POP1: variants seen among roughly 807,000 people sequenced by gnomAD.
The protein encoded by POP1 is ribonucleases P/MRP protein subunit POP1.
POP1 carries 75 observed loss-of-function variants against 102.2 expected under a neutral mutation model. That is an observed-to-expected ratio of 0.73 (90% CI 0.61 to 0.89). The LOEUF (loss-of-function observed/expected upper bound fraction) is 0.89, where lower values mean the gene tolerates loss of function less well. Ranked by LOEUF, POP1 falls within the 40% of genes least tolerant of loss-of-function variation. The pLI is 0.00. For missense variants in POP1, 1,116 were observed against 1,267.4 expected (o/e 0.88, Z 1.81); for synonymous variants, 436 against 464.1 (o/e 0.94, Z 0.78).
Position 98,156,056 on chromosome 8 carries a change from T to C in POP1, c.2064T>C (p.Pro688=). Residue 688 remains proline, a synonymous_variant, in exon 15 of 16, where the codon CCT becomes CCC. Transcript: ENST00000401707. ...CCTGTATGTTTTTCTTTAGACGCCC[T>C]CCTGCAAAACGGCCCAACTACGTTA... ...KNLLEKYKRR[P]PAKRPNYVKL... 6.2e-7 allele frequency: 1 copy of C among 1,613,496 alleles called. No individual in the cohort carries two copies. Among genetic ancestry groups the C allele is most frequent in the East Asian group, 2.2e-5 (1 of 44,882 alleles).
intron 1 of POP1, among the ~76,000 whole-genome samples, chr8:98,122,280 C>A (rs1271391514): frequency 6.6e-6 from 1 of 152,122 alleles, no homozygotes; most frequent in Non-Finnish European, 1.5e-5. Context: ...GGCATTGCTA[C>A]CTTCTCTTTG....
intron 2 of POP1, among the ~76,000 whole-genome samples, chr8:98,124,683 T>C (rs1816143604): frequency 6.6e-6 from 1 of 152,242 alleles, no homozygotes; most frequent in Admixed American, 6.5e-5. Flanking sequence ...GAAACATGAC[T>C]ACTATAAATA....
At chr8:98,135,773 A>T (rs1208599332) in intron 7 of POP1, among the ~76,000 whole-genome samples, 1 of 152,106 alleles carries the variant, frequency 6.6e-6, no homozygotes, top group Non-Finnish European at 1.5e-5. Flanking sequence ...GTCATAGCCC[A>T]CTGCAGCCTC....
chr8:98,140,869 C>G lies in POP1; in HGVS notation c.1575C>G (p.Pro525=). ...CCCAAAAGAAGTCCAAAGCTTTGCC[C>G]AATCCAGAAAAATGCCAAGGTAAAG... ...NLPQKKSKAL[P]NPEKCQDNEK... is the part of the protein sequence containing the mutation. The change falls in exon 11 of 16, where the codon CCC becomes CCG. Residue 525 remains proline, a synonymous_variant. Transcript: ENST00000401707. The G allele has an allele frequency of 6.2e-7, 1 of 1,613,968 alleles. No homozygotes were observed. Among genetic ancestry groups the G allele is most frequent in the East Asian group, 2.2e-5 (1 of 44,870 alleles).
rs200072075 is a variant in POP1, at chr8:98,158,195, C to T, written c.2999C>T (p.Ala1000Val). 5.6e-5 allele frequency: 90 copies of T among 1,611,752 alleles called. 1 individual carries two copies. Among genetic ancestry groups the T allele is most frequent in the East Asian group, 4.0e-4 (18 of 44,872 alleles). The change falls in exon 16 of 16, where the codon GCG becomes GTG. Residue 1000 changes from alanine to valine, a missense_variant. By Grantham distance (64) the Ala-to-Val change is moderately conservative (BLOSUM62 0). Coordinates refer to ENST00000401707, the MANE Select transcript of POP1 (RefSeq NM_001145860.2). Reference sequence around the variant, plus strand: ...GATATGCTGTCCAGCCAGCCTGCAGCGCAGAGGGGCTTAGTGCTACTGAGG... The same window carrying T: ...GATATGCTGTCCAGCCAGCCTGCAGTGCAGAGGGGCTTAGTGCTACTGAGG... The part of the protein sequence containing the change: ...LLDMLSSQPA[A>V]QRGLVLLRPP...
At chr8:98,135,901 C>G (rs185802010) in intron 7 of POP1, among the ~76,000 whole-genome samples, 2 of 151,996 alleles carry the variant, frequency 1.3e-5, no homozygotes, top group African/African-American at 4.8e-5. Context: ...CAAGGTCTCC[C>G]TATGTTGCCC....
chr8:98,158,109 T>G lies in POP1; in HGVS notation c.2913T>G (p.Asp971Glu). Residue 971 changes from aspartate (D) to glutamate (E), a missense_variant, in exon 16 of 16, where the codon GAT becomes GAG. By Grantham distance (45) the Asp-to-Glu change is conservative. Coordinates refer to ENST00000401707, the MANE Select transcript of POP1 (RefSeq NM_001145860.2). ...RTLLGFVTQG[D>E]FSMAVGCGEA... is the part of the protein sequence containing the mutation. ...TCCTAGGCTTTGTGACTCAGGGAGATTTTTCCATGGCTGTTGGCTGTGGAG... is the reference window on the plus strand; with the variant it reads ...TCCTAGGCTTTGTGACTCAGGGAGAGTTTTCCATGGCTGTTGGCTGTGGAG... The G allele has an allele frequency of 6.2e-7, 1 of 1,604,764 alleles. No individual in the cohort carries two copies.
intron 11 of POP1, 88 bp from the exon 12 acceptor site, chr8:98,146,480 T>C: frequency 1.1e-6 from 1 of 907,734 alleles, no homozygotes. Context: ...AATATTGTTT[T>C]GTAACAAAAG....
chr8:98,120,536 A>T (rs1815980527), intron 1 of POP1, among the ~76,000 whole-genome samples: 1 of 152,092 alleles, frequency 6.6e-6, no homozygotes, highest in South Asian at 2.1e-4. Context: ...CAGTGGCGTG[A>T]TCTCGGCTCA....
In POP1 at chr8:98,156,363, G is replaced by T; in HGVS notation, c.2371G>T (p.Ala791Ser). ...AGPERITDQEASENHVAATGS... is the reference protein window; with the variant it reads ...AGPERITDQESSENHVAATGS... Reference sequence around the variant, plus strand: ...GCCTGAGAGGATCACAGACCAGGAGGCCAGTGAAAACCATGTTGCTGCCAC... The same window carrying T: ...GCCTGAGAGGATCACAGACCAGGAGTCCAGTGAAAACCATGTTGCTGCCAC... The change falls in exon 15 of 16, where the codon GCC becomes TCC. Residue 791 changes from alanine (A) to serine (S), a missense_variant. Transcript: ENST00000401707. 6.2e-7 allele frequency: 1 copy of T among 1,613,986 alleles called. No individual in the cohort carries two copies. The highest frequency in any genetic ancestry group is 8.5e-7 in the Non-Finnish European group (1 of 1,179,994).
In POP1 at chr8:98,146,577, A is replaced by T; in HGVS notation, c.1604A>T (p.Lys535Ile). 3 of 1,613,308 alleles carry T rather than the reference A, an allele frequency of 1.9e-6. No individual in the cohort carries two copies. Among genetic ancestry groups the T allele is most frequent in the Non-Finnish European group, 2.5e-6 (3 of 1,179,244 alleles). The change falls in exon 12 of 16, where the codon AAA becomes ATA. Residue 535 changes from lysine to isoleucine, a missense_variant. Physicochemically the swap from Lys to Ile is moderately radical, Grantham distance 102. Coordinates refer to ENST00000401707, the MANE Select transcript of POP1 (RefSeq NM_001145860.2). ...PNPEKCQDNE[K>I]VRQLLLEGVP... ...TTCTTTTCCCTCTTAGATAATGAGA[A>T]AGTTAGACAGCTGCTTCTGGAGGGT... is the stretch of plus-strand genomic sequence containing the variant.
intron 14 of POP1, 110 bp downstream of exon 14, chr8:98,150,749 A>T: frequency 1.0e-6 from 1 of 1,002,648 alleles, no homozygotes; most frequent in South Asian, 1.4e-5. Context: ...TAGACTTTTC[A>T]GTGAGTTCAG....
chr8:98,136,535 A>T lies in POP1; in HGVS notation c.1065A>T (p.Ser355=), dbSNP rs758155006. The change falls in exon 8 of 16, where the codon TCA becomes TCT. Residue 355 remains serine, a synonymous_variant. Transcript: ENST00000401707. ...GCCAGTGTGTGGAACCCATCAAATCAGCTGTCTGCATCGCTGACCCACTTC... is the reference window on the plus strand; with the variant it reads ...GCCAGTGTGTGGAACCCATCAAATCTGCTGTCTGCATCGCTGACCCACTTC... ...AACQCVEPIK[S]AVCIADPLPT... The T allele has an allele frequency of 6.2e-7, 1 of 1,614,098 alleles. No homozygotes were observed.
At chr8:98,117,711 C>T (rs905940677) in intron 1 of POP1, 1 of 158,360 alleles carries the variant, frequency 6.3e-6, no homozygotes, top group African/African-American at 2.4e-5. Context: ...GAGATCTGGG[C>T]GTTGGTCCTC....
intron 9 of POP1, among the ~76,000 whole-genome samples, 175 bp from the exon 10 acceptor site, chr8:98,139,902 GT>G (rs1300634390): frequency 1.3e-5 from 2 of 152,112 alleles, no homozygotes; most frequent in East Asian, 3.8e-4. Context: ...TCAAAGGGTA[GT>G]TAGTCTGGTA....
At chr8:98,134,857 CA>C (rs1220569180) in intron 7 of POP1, among the ~76,000 whole-genome samples, 198 bp downstream of exon 7, 2 of 152,008 alleles carry the variant, frequency 1.3e-5, no homozygotes, top group African/African-American at 4.8e-5. Flanking sequence ...GTCTAATTGA[CA>C]AAAAGCAAAT....
rs1413221355 is a variant in POP1, at chr8:98,136,432, A to G, written c.1012-50A>G. The G allele has an allele frequency of 5.2e-6, 8 of 1,539,058 alleles. No homozygotes were observed. The East Asian group carries it at 9.2e-5, about 18-fold the overall frequency. Reference sequence around the variant, plus strand: ...AAAAAACCCAACTAAATTTGTCGTAATATATTTAAATTTCAAGATTTTAAA... The same window carrying G: ...AAAAAACCCAACTAAATTTGTCGTAGTATATTTAAATTTCAAGATTTTAAA... On this transcript the variant is annotated intron_variant, in intron 7 of 15. Transcript: ENST00000401707.
At chr8:98,130,331 C>T in intron 5 of POP1, 105 bp downstream of exon 5, 1 of 1,504,914 alleles carries the variant, frequency 6.6e-7, no homozygotes, top group South Asian at 1.1e-5. Flanking sequence ...TGTGATTATT[C>T]ATTTTAAAAA....
chr8:98,121,781 C>T (rs973359996), intron 1 of POP1, among the ~76,000 whole-genome samples: 2 of 151,568 alleles, frequency 1.3e-5, no homozygotes, highest in African/African-American at 4.9e-5. Flanking sequence ...CTTCTGGGTT[C>T]ACACCATTCT....
Sources: gnomAD v4.1 joint callset for allele counts (sites outside exome capture counted in the v4.1 genomes callset) on GRCh38, gnomAD v4.1.1 for gene constraint, MANE v1.5 for transcripts, NCBI Gene and HGNC (gene_info 2026-07-23, HGNC 2026-07-21) for gene names.